Variants in IWS1 observed in about 807,000 individuals in gnomAD.
IWS1 encodes interacts with SUPT6H, CTD assembly factor 1.
A neutral mutation model predicts 86.7 loss-of-function variants in IWS1; 27 were observed. That is an observed-to-expected ratio of 0.31 (90% confidence interval 0.23 to 0.43). The LOEUF (loss-of-function observed/expected upper bound fraction) is 0.43, where lower values mean the gene tolerates loss of function less well. IWS1 is among the 20% of genes least tolerant of loss of function. IWS1 has a pLI of 1.00. For missense variants in IWS1, 827 were observed against 1,000.8 expected (o/e 0.83, Z 2.34); for synonymous variants, 313 against 335.1 (o/e 0.93, Z 0.72).
rs1049018684 is a variant in IWS1, at chr2:127,505,637, C to A, written c.266G>T (p.Arg89Met). 4 of 1,612,468 alleles carry A rather than the reference C, an allele frequency of 2.5e-6. No individual in the cohort carries two copies. ...ASDSESEELH[R>M]QKDSDSESEE... ...AGATTCAGAGTCGCTGTCCTTTTGCCTGTGAAGCTCCTCACTTTCAGAGTC... is the reference window on the plus strand; with the variant it reads ...AGATTCAGAGTCGCTGTCCTTTTGCATGTGAAGCTCCTCACTTTCAGAGTC... Residue 89 changes from arginine to methionine, a missense_variant, in exon 3 of 14, where the codon AGG becomes ATG. Physicochemically the swap from Arg to Met is moderately conservative, Grantham distance 91 (BLOSUM62 -1). Around this residue, in one of 2 missense-constraint regions of IWS1, gnomAD observed 548 missense variants for 560.2 expected, o/e 0.98. Transcript: ENST00000295321. The surrounding 1 kb of genome is among the most constrained non-coding windows in gnomAD (Gnocchi z 5.0).
At chr2:127,516,134 A>G (rs1691760659) in intron 2 of IWS1, among the ~76,000 whole-genome samples, 1 of 152,034 alleles carries the variant, frequency 6.6e-6, no homozygotes, top group Admixed American at 6.5e-5. Context: ...CTCCCTACCC[A>G]GAGCTCAGTG....
In IWS1 at chr2:127,489,884, C is replaced by T. The variant is rs1465360100; in HGVS notation, c.2107G>A (p.Glu703Lys). The change falls in exon 11 of 14, where the codon GAA (glutamate) becomes AAA (lysine). Residue 703 changes from glutamate to lysine, a missense_variant. Transcript: ENST00000295321. This position sits in a 1 kb window ranked among gnomAD's most constrained non-coding sequence, Gnocchi z 4.8. ...TGTTCTAGATCTCTCTGCTCCCTTT[C>T]TTCTCTTGTCATTCCTTTGTAGTTT... ...TSNYKGMTRE[E>K]REQRDLEQMP... The T allele has an allele frequency of 1.2e-6, 2 of 1,613,166 alleles. No individual in the cohort carries two copies.
chr2:127,518,608 C>T (rs1691909945), intron 2 of IWS1, among the ~76,000 whole-genome samples: 1 of 149,948 alleles, frequency 6.7e-6, no homozygotes, highest in African/African-American at 2.5e-5. Context: ...TCTCGTTGCC[C>T]AGGCTAGAGT....
intron 7 of IWS1, among the ~76,000 whole-genome samples, 157 bp downstream of exon 7, chr2:127,495,841 T>C (rs1213603751): frequency 6.6e-6 from 1 of 152,144 alleles, no homozygotes; most frequent in Non-Finnish European, 1.5e-5. Context: ...GACTAAAAAA[T>C]TAAAATATTT....
At chr2:127,522,964 C>CTT (rs1337843322) in intron 2 of IWS1, among the ~76,000 whole-genome samples, 1 of 152,180 alleles carries the variant, frequency 6.6e-6, no homozygotes, top group Non-Finnish European at 1.5e-5. Context: ...AATCCTAGCA[C>CTT]TTTGAGAGGC....
chr2:127,485,261 CA>C (rs1689869959), intron 13 of IWS1, among the ~76,000 whole-genome samples: 1 of 152,026 alleles, frequency 6.6e-6, no homozygotes, highest in Admixed American at 6.5e-5. Context: ...AAACAGCTGC[CA>C]AAGCAGGGGT....
In IWS1 at chr2:127,505,791, A is replaced by AC; in HGVS notation, c.151-40_151-39insG. The AC allele has an allele frequency of 7.8e-7, 1 of 1,282,920 alleles. No individual in the cohort carries two copies. The allele number at this position is 1,282,920 out of a possible 1,614,324, so 79.5% of individuals were successfully genotyped here. A position where few individuals can be genotyped will look rare whatever the true frequency, so the allele number is the denominator to read the frequency against. ...TGAGAAAAAATTAGGAAAGTGCAAA[A>AC]AAAAAAAAACCATTAATAATAAAAC... On this transcript the variant is annotated intron_variant, in intron 2 of 13. Coordinates refer to ENST00000295321, the MANE Select transcript of IWS1 (RefSeq NM_017969.3). This position sits in a 1 kb window ranked among gnomAD's most constrained non-coding sequence, Gnocchi z 5.0.
Position 127,526,430 on chromosome 2 carries a change from G to A in IWS1, c.-222C>T. 1.3e-6 allele frequency: 2 copies of A among 1,535,270 alleles called. No individual in the cohort carries two copies. Among genetic ancestry groups the A allele is most frequent in the South Asian group, 1.2e-5 (1 of 83,172 alleles). ...CCGTACCCGGCAGGCTGGCGGGCGG[G>A]CAGGCATGCGAGCCGGCGTTCTACT... On this transcript the variant is annotated 5_prime_UTR_variant, in exon 1 of 14. Coordinates refer to ENST00000295321, the MANE Select transcript of IWS1 (RefSeq NM_017969.3).
rs1024385824 is a variant in IWS1, at chr2:127,518,058, T to A, written c.150+5618A>T. Among the ~76,000 whole-genome samples the A allele has an allele frequency of 2.6e-5, 4 of 151,586 alleles. No homozygotes were observed. In the East Asian group the frequency reaches 7.7e-4, roughly 29 times the overall value. ...TCAGTGGTTGCTGAGGACTGTGGGG[T>A]GGGGAGGGGTAGGCAAAGGGAAGAG... On this transcript the variant is annotated intron_variant, in intron 2 of 13. Coordinates refer to ENST00000295321, the MANE Select transcript of IWS1 (RefSeq NM_017969.3).
In IWS1 at chr2:127,501,559, C is replaced by T. The variant is rs75151949; in HGVS notation, c.1467+1256G>A. ...TATTCCAATTTTTGCGAAAACTTTTCGATGTATAGTCTATATCTTTTCCTT... is the reference window on the plus strand; with the variant it reads ...TATTCCAATTTTTGCGAAAACTTTTTGATGTATAGTCTATATCTTTTCCTT... On this transcript the variant is annotated intron_variant, in intron 5 of 13. Transcript: ENST00000295321. Among the ~76,000 whole-genome samples, 401 of 152,188 alleles carry T rather than the reference C, an allele frequency of 2.6e-3. 1 individual carries two copies. The highest frequency in any genetic ancestry group is 8.9e-3 in the African/African-American group (371 of 41,544).
At chr2:127,498,406 GT>G (rs1690625267) in intron 5 of IWS1, among the ~76,000 whole-genome samples, 169 bp from the exon 6 acceptor site, 1 of 152,174 alleles carries the variant, frequency 6.6e-6, no homozygotes, top group Admixed American at 6.5e-5. Flanking sequence ...TAGGTTTCTT[GT>G]GTTTCCTTCC....
At chr2:127,520,176 G>C (rs1282816927) in intron 2 of IWS1, among the ~76,000 whole-genome samples, 1 of 151,574 alleles carries the variant, frequency 6.6e-6, no homozygotes, top group Non-Finnish European at 1.5e-5. Flanking sequence ...TTTTTGTTTT[G>C]TTTTTATTTT....
Position 127,505,745 on chromosome 2 carries a change from G to C in IWS1, c.158C>G (p.Thr53Ser), listed in dbSNP as rs564043842. 9 of 1,498,096 alleles carry C rather than the reference G, an allele frequency of 6.0e-6. No homozygotes were observed. The African/African-American group carries it at 1.0e-4, about 17-fold the overall frequency. The allele number at this position is 1,498,096 out of a possible 1,614,324, so 92.8% of individuals were successfully genotyped here. Residue 53 changes from threonine to serine, a missense_variant, in exon 3 of 14, where the codon ACT becomes AGT. This residue lies in a region of IWS1 where 548 missense variants were observed against 560.2 expected (regional missense o/e 0.98). Coordinates refer to ENST00000295321, the MANE Select transcript of IWS1 (RefSeq NM_017969.3). This position sits in a 1 kb window ranked among gnomAD's most constrained non-coding sequence, Gnocchi z 5.0. ...GGGGAGGCCATCTTCTCGATCACTA[G>C]TTTCATTCTGAAAAATAAAGTGAGA... ...GSVERHSENE[T>S]SDREDGLPKG...
At chr2:127,506,798 T>C (rs1691173634) in intron 2 of IWS1, 1 of 167,152 alleles carries the variant, frequency 6.0e-6, no homozygotes, top group South Asian at 2.1e-4. Flanking sequence ...CTTGAAATAA[T>C]TACTCTGAAA....
At chr2:127,487,989 T>C (rs1431177255) in intron 12 of IWS1, 3 of 152,380 alleles carry the variant, frequency 2.0e-5, no homozygotes, top group Non-Finnish European at 4.4e-5. Context: ...CTCTAGCTCA[T>C]CCCCTATTCT....
intron 1 of IWS1, among the ~76,000 whole-genome samples, chr2:127,525,192 C>A (rs10206221): frequency 0.14 from 21,892 of 151,602 alleles, 2,831 homozygotes; most frequent in African/African-American, 0.33. Context: ...AACTCCTGGG[C>A]TCAAGCCATC....
chr2:127,505,567 A>G lies in IWS1; in HGVS notation c.336T>C (p.Asp112=). The change falls in exon 3 of 14, where the codon GAT becomes GAC. Residue 112 remains aspartate, a synonymous_variant. Transcript: ENST00000295321. The surrounding 1 kb of genome is among the most constrained non-coding windows in gnomAD (Gnocchi z 5.0). ...CAGAGTCGCTCCCATGCTGATTGAC[A>G]TCCTCATTTTCAGAATCGCTTGCAG... The part of the protein sequence containing the change: ...EPPASDSENE[D]VNQHGSDSES... 1.2e-6 allele frequency: 2 copies of G among 1,613,792 alleles called. No individual in the cohort carries two copies. The highest frequency in any genetic ancestry group is 2.2e-5 in the South Asian group (2 of 91,048).
At chr2:127,488,753 T>A (rs1690064143) in intron 12 of IWS1, among the ~76,000 whole-genome samples, 1 of 152,186 alleles carries the variant, frequency 6.6e-6, no homozygotes, top group Admixed American at 6.5e-5. Context: ...TTTCCAACCT[T>A]ATCTTCTACC....
chr2:127,497,947 C>T (rs1427769836), intron 6 of IWS1, among the ~76,000 whole-genome samples, 193 bp downstream of exon 6: 1 of 152,130 alleles, frequency 6.6e-6, no homozygotes, highest in Non-Finnish European at 1.5e-5. Flanking sequence ...AGTAAGACAT[C>T]TGAGCACAGG....
Sources: gnomAD v4.1 joint callset for allele counts (sites outside exome capture counted in the v4.1 genomes callset) on GRCh38, gnomAD v4.1.1 for gene constraint, gnomAD v4.1.1 regional missense constraint, Gnocchi (gnomAD v3.1) non-coding constraint, MANE v1.5 for transcripts, NCBI Gene and HGNC (gene_info 2026-07-23, HGNC 2026-07-21) for gene names.